Variants in UNC13C observed in about 807,000 individuals in gnomAD.
The protein encoded by UNC13C is unc-13 homolog C.
In UNC13C, 174 loss-of-function variants were observed where a neutral mutation model predicts 245.4. The observed-to-expected ratio is 0.71, with a 90% confidence interval of 0.63 to 0.80. UNC13C has a LOEUF of 0.80. Ranked by LOEUF, UNC13C falls within the 30% of genes least tolerant of loss-of-function variation. UNC13C has a pLI of 0.00. For synonymous variants in UNC13C, 992 were observed against 895.1 expected, an observed-to-expected ratio of 1.11 and a Z score of -1.93; for missense variants, 2,829 against 2,602.9, an observed-to-expected ratio of 1.09 and a Z score of -1.89.
At chr15:53,941,038 C>T in the UNC13C span, among the ~76,000 whole-genome samples, 9 of 134,306 alleles carry the variant, frequency 6.7e-5, no homozygotes, top group African/African-American at 2.5e-4. Context: ...AAGCATCATG[C>T]TACCCAGCTT....
chr15:54,369,198 C>T (rs12593034), intron 17 of UNC13C, among the ~76,000 whole-genome samples: 28,316 of 149,672 alleles, frequency 0.19, 2,849 homozygotes, highest in East Asian at 0.45. Flanking sequence ...ACCTCCCCCC[C>T]CCAAAAAAAA....
intron 25 of UNC13C, among the ~76,000 whole-genome samples, chr15:54,528,151 A>G (rs1403491421): frequency 6.6e-6 from 1 of 152,194 alleles, no homozygotes; most frequent in Non-Finnish European, 1.5e-5. Context: ...GCTGAGCCAA[A>G]CCACACATTT....
intron 29 of UNC13C, among the ~76,000 whole-genome samples, chr15:54,564,583 A>G (rs982851494): frequency 6.6e-6 from 1 of 151,992 alleles, no homozygotes; most frequent in African/African-American, 2.4e-5. Flanking sequence ...GCCCTCAACA[A>G]TATCTCAATT....
At chr15:54,373,740 C>T (rs1010761833) in intron 17 of UNC13C, among the ~76,000 whole-genome samples, 8 of 152,162 alleles carry the variant, frequency 5.3e-5, no homozygotes, top group East Asian at 3.9e-4. Flanking sequence ...TCTTATTGCC[C>T]GCAACATGGT....
At chr15:54,505,744 C>CTTT (rs3083161) in intron 22 of UNC13C, among the ~76,000 whole-genome samples, 11,280 of 129,666 alleles carry the variant, frequency 0.087, 819 homozygotes, top group East Asian at 0.15. Flanking sequence ...AAGCTATATT[C>CTTT]TTTTTTTTTT....
intron 19 of UNC13C, among the ~76,000 whole-genome samples, chr15:54,480,708 A>G (rs1359540005): frequency 9.2e-5 from 14 of 151,802 alleles, no homozygotes; most frequent in Non-Finnish European, 1.6e-4. Context: ...TATTTCATAT[A>G]TTTCCTTTTC....
At chr15:54,541,175 A>C (rs909782442) in intron 26 of UNC13C, among the ~76,000 whole-genome samples, 1 of 152,082 alleles carries the variant, frequency 6.6e-6, no homozygotes, top group Non-Finnish European at 1.5e-5. Flanking sequence ...TTTTACATAC[A>C]CAGTGTTAGG....
intron 2 of UNC13C, among the ~76,000 whole-genome samples, chr15:54,069,868 C>T (rs75708967): frequency 0.012 from 1,874 of 152,342 alleles, 51 homozygotes; most frequent in African/African-American, 0.043. Context: ...CTGTAAGAAC[C>T]TTTCTCTTTC....
At chr15:53,987,053 G>A (rs1236579594) in intron 1 of UNC13C, among the ~76,000 whole-genome samples, 3 of 151,952 alleles carry the variant, frequency 2.0e-5, no homozygotes, top group East Asian at 1.9e-4. Flanking sequence ...AATATTGCAT[G>A]ATAAGATACA....
rs185408912 is a variant in UNC13C at position 54,444,065 on chromosome 15, T to C, written c.4933+28998T>C. ...GATCTAATAATATCCACTTTATATA[T>C]CTGGATACTCCAGTATGGTTACATA... On this transcript the variant is annotated intron_variant, in intron 19 of 32. Transcript: ENST00000260323. Among the ~76,000 whole-genome samples, 19 of 152,132 alleles carry C rather than the reference T, an allele frequency of 1.2e-4. 1 individual carries two copies. In the East Asian group the frequency reaches 3.1e-3, roughly 25 times the overall value.
chr15:54,546,906 G>A lies in UNC13C; in HGVS notation c.5820+61G>A. The A allele has an allele frequency of 3.5e-6, 5 of 1,422,146 alleles. No individual in the cohort carries two copies. In the East Asian group the frequency reaches 8.0e-5, roughly 23 times the overall value. The allele number at this position is 1,422,146 out of a possible 1,614,324, so 88.1% of individuals were successfully genotyped here. A position where few individuals can be genotyped will look rare whatever the true frequency, so the allele number is the denominator to read the frequency against. On this transcript the variant is annotated intron_variant, in intron 27 of 32. Coordinates refer to ENST00000260323, the MANE Select transcript of UNC13C (RefSeq NM_001080534.3). ...CCATCTGTTTTTGGTTTAAGTGAATGGTTTTCATCCAGATGAAATACTAAT... is the reference window on the plus strand; with the variant it reads ...CCATCTGTTTTTGGTTTAAGTGAATAGTTTTCATCCAGATGAAATACTAAT...
chr15:53,919,652 T>C, the UNC13C span, among the ~76,000 whole-genome samples: 1 of 152,234 alleles, frequency 6.6e-6, no homozygotes, highest in East Asian at 1.9e-4. Context: ...TTTTGGATTG[T>C]ATTTAGGTAT....
At chr15:54,399,936 T>C (rs2040147544) in intron 18 of UNC13C, among the ~76,000 whole-genome samples, 2 of 151,996 alleles carry the variant, frequency 1.3e-5, no homozygotes, top group South Asian at 4.1e-4. Flanking sequence ...ATTTAAGAAA[T>C]TGTTATGAAA....
At chr15:54,161,879 C>T (rs2032991175) in intron 4 of UNC13C, among the ~76,000 whole-genome samples, 1 of 151,940 alleles carries the variant, frequency 6.6e-6, no homozygotes, top group Non-Finnish European at 1.5e-5. Flanking sequence ...ACCTGGGAGG[C>T]AGAAGTTGCA....
At chr15:54,037,533 A>G (rs908094953) in intron 2 of UNC13C, among the ~76,000 whole-genome samples, 2 of 152,222 alleles carry the variant, frequency 1.3e-5, no homozygotes, top group African/African-American at 4.8e-5. Context: ...GGAAAAAGCA[A>G]GTTTGAATTC....
chr15:54,159,715 T>C (rs1355751589), intron 4 of UNC13C, among the ~76,000 whole-genome samples: 1 of 152,142 alleles, frequency 6.6e-6, no homozygotes, highest in Non-Finnish European at 1.5e-5. Flanking sequence ...CACAAAAGGA[T>C]TTTGAAGATA....
At chr15:54,420,792 C>T (rs1233079683) in intron 19 of UNC13C, among the ~76,000 whole-genome samples, 1 of 151,916 alleles carries the variant, frequency 6.6e-6, no homozygotes, top group African/African-American at 2.4e-5. Flanking sequence ...AAATTATTGT[C>T]TAAGATGCTA....
intron 2 of UNC13C, among the ~76,000 whole-genome samples, chr15:54,031,960 T>C (rs1390738792): frequency 2.6e-5 from 4 of 152,224 alleles, no homozygotes; most frequent in African/African-American, 7.2e-5. Flanking sequence ...TTGATCTTTA[T>C]GGTCTGCTGC....
intron 19 of UNC13C, among the ~76,000 whole-genome samples, chr15:54,462,490 C>T (rs1413904684): frequency 1.3e-5 from 2 of 152,186 alleles, no homozygotes; most frequent in Non-Finnish European, 2.9e-5. Context: ...CTACGCACTG[C>T]ACTCGCGGGC....
Sources: gnomAD v4.1 joint callset for allele counts (sites outside exome capture counted in the v4.1 genomes callset) on GRCh38, gnomAD v4.1.1 for gene constraint, MANE v1.5 for transcripts, NCBI Gene and HGNC (gene_info 2026-07-23, HGNC 2026-07-21) for gene names.